The following USP6NL variants were observed in gnomAD, a reference collection of about 807,000 sequenced individuals.
The protein encoded by USP6NL is USP6 N-terminal like, also known as USP6 N-terminal-like protein.
A neutral mutation model predicts 61.9 loss-of-function variants in USP6NL; 26 were observed. The ratio of observed to expected loss-of-function variants is 0.42; its 90% CI spans 0.31 to 0.58. USP6NL has a LOEUF of 0.58. USP6NL is among the 20% of genes least tolerant of loss of function. The pLI is 0.16. For missense variants in USP6NL, 1,114 were observed against 1,034.3 expected (o/e 1.08, Z -1.06); for synonymous variants, 432 against 390.1 (o/e 1.11, Z -1.27).
At chr10:11,547,359 G>A (rs1046415384) in intron 2 of USP6NL, among the ~76,000 whole-genome samples, 41 of 152,108 alleles carry the variant, frequency 2.7e-4, no homozygotes, top group African/African-American at 8.9e-4. Context: ...AAAGGGAGGC[G>A]CTCTGAAGTT....
In USP6NL at chr10:11,611,547, C is replaced by A; in HGVS notation, c.-188G>T. On this transcript the variant is annotated 5_prime_UTR_variant, in exon 1 of 15. Coordinates refer to ENST00000609104, the MANE Select transcript of USP6NL (RefSeq NM_014688.5). This position sits in a 1 kb window ranked among gnomAD's most constrained non-coding sequence, Gnocchi z 5.3. ...CGCGGCGCGGCGGCGGCGGCGGCTA[C>A]CGCAGTGCCCTCCGCCCCATTGTTT... is the stretch of plus-strand genomic sequence containing the variant. 6.3e-6 allele frequency: 1 copy of A among 159,096 alleles called. No individual in the cohort carries two copies. The highest frequency in any genetic ancestry group is 1.4e-5 in the Non-Finnish European group (1 of 72,926). The allele number at this position is 159,096 out of a possible 1,614,324, so 9.9% of individuals were successfully genotyped here. A position where few individuals can be genotyped will look rare whatever the true frequency, so the allele number is the denominator to read the frequency against.
chr10:11,470,708 G>C lies in USP6NL; in HGVS notation c.1079-6859C>G, dbSNP rs1368180828. 6.6e-6 allele frequency among the ~76,000 whole-genome samples: 1 copy of C among 152,122 alleles called. No individual in the cohort carries two copies. Among genetic ancestry groups the C allele is most frequent in the Non-Finnish European group, 1.5e-5 (1 of 68,026 alleles). On this transcript the variant is annotated intron_variant, in intron 14 of 14. Coordinates refer to ENST00000609104, the MANE Select transcript of USP6NL (RefSeq NM_014688.5). The surrounding 1 kb of genome is among the most constrained non-coding windows in gnomAD (Gnocchi z 5.4). ...TCCTTTCACCCCTAAGCAACTAACT[G>C]TAACTAAAACATTCACACATAATTG...
Position 11,462,564 on chromosome 10 carries a change from A to G in USP6NL, c.2364T>C (p.Tyr788=), listed in dbSNP as rs535650221. 1.4e-5 allele frequency: 22 copies of G among 1,613,956 alleles called. No homozygotes were observed. The highest frequency in any genetic ancestry group is 1.7e-4 in the Middle Eastern group (1 of 6,060). The change falls in exon 15 of 15, where the codon TAT becomes TAC. Residue 788 remains tyrosine (Y), a synonymous_variant. Coordinates refer to ENST00000609104, the MANE Select transcript of USP6NL (RefSeq NM_014688.5). Reference sequence around the variant, plus strand: ...CATCTTCTGCGGCCGGTGAAGCTTTATATCTCACGGGACTATCTACAGAAA... The same window carrying G: ...CATCTTCTGCGGCCGGTGAAGCTTTGTATCTCACGGGACTATCTACAGAAA... The part of the protein sequence containing the change: ...PAVSVDSPVR[Y]KASPAAEDAS...
intron 7 of USP6NL, among the ~76,000 whole-genome samples, chr10:11,498,380 C>T (rs1450808078): frequency 6.7e-6 from 1 of 148,724 alleles, no homozygotes; most frequent in Non-Finnish European, 1.5e-5. Context: ...CTGCTAAATG[C>T]AAGAGAGAAA....
intron 4 of USP6NL, among the ~76,000 whole-genome samples, chr10:11,522,005 T>G (rs148481497): frequency 6.6e-6 from 1 of 152,238 alleles, no homozygotes; most frequent in Non-Finnish European, 1.5e-5. Flanking sequence ...TGTTTCTCTA[T>G]TCTCCAGCTT....
chr10:11,472,443 G>C (rs1467524931), intron 14 of USP6NL, among the ~76,000 whole-genome samples: 1 of 152,208 alleles, frequency 6.6e-6, no homozygotes, highest in Non-Finnish European at 1.5e-5. Context: ...AGCGCTCTAA[G>C]TGCTCGCTCT....
In USP6NL at chr10:11,463,021, G is replaced by T. The variant is rs774620165; in HGVS notation, c.1907C>A (p.Pro636His). The T allele has an allele frequency of 6.2e-7, 1 of 1,613,910 alleles. No individual in the cohort carries two copies. The highest frequency in any genetic ancestry group is 8.5e-7 in the Non-Finnish European group (1 of 1,179,858). Residue 636 changes from proline to histidine, a missense_variant, in exon 15 of 15, where the codon CCC becomes CAC. Coordinates refer to ENST00000609104, the MANE Select transcript of USP6NL (RefSeq NM_014688.5). This position sits in a 1 kb window ranked among gnomAD's most constrained non-coding sequence, Gnocchi z 6.3. ...LAHPPSYSNP[P>H]VYHGNSPKHF... ...TTTGGGAGAGTTTCCGTGGTAAACG[G>T]GGGGATTGCTGTAGGAGGGGGGATG...
chr10:11,533,198 A>T (rs1192400057), intron 2 of USP6NL, among the ~76,000 whole-genome samples: 1 of 152,244 alleles, frequency 6.6e-6, no homozygotes, highest in Non-Finnish European at 1.5e-5. Context: ...AAGGAATAAG[A>T]ATTAGACTGG....
Position 11,489,709 on chromosome 10 carries a change from G to A in USP6NL, c.544-487C>T, listed in dbSNP as rs1833630096. Among the ~76,000 whole-genome samples, 2 of 152,180 alleles carry A rather than the reference G, an allele frequency of 1.3e-5. No individual in the cohort carries two copies. The highest frequency in any genetic ancestry group is 4.8e-5 in the African/African-American group (2 of 41,442). On this transcript the variant is annotated intron_variant, in intron 9 of 14. Coordinates refer to ENST00000609104, the MANE Select transcript of USP6NL (RefSeq NM_014688.5). This position sits in a 1 kb window ranked among gnomAD's most constrained non-coding sequence, Gnocchi z 5.7. Reference sequence around the variant, plus strand: ...TCTCCCCATAGTCCCTGCTTATGATGTGGCCTTAAGGATTCATGCTTGTGC... The same window carrying A: ...TCTCCCCATAGTCCCTGCTTATGATATGGCCTTAAGGATTCATGCTTGTGC...
chr10:11,534,571 A>G (rs530863367), intron 2 of USP6NL, among the ~76,000 whole-genome samples: 2 of 152,334 alleles, frequency 1.3e-5, no homozygotes, highest in African/African-American at 2.4e-5. Flanking sequence ...GCTTACATAT[A>G]AAGACATCAA....
rs1400158605 is a variant in USP6NL, at chr10:11,540,629, G to T, written c.5-13062C>A. ...AATTACAGCAAATTCTTGCAGACCA[G>T]ATATAAGAAGATAATTCATAGACTG... On this transcript the variant is annotated intron_variant, in intron 2 of 14. Transcript: ENST00000609104. This position sits in a 1 kb window ranked among gnomAD's most constrained non-coding sequence, Gnocchi z 5.0. Among the ~76,000 whole-genome samples the T allele has an allele frequency of 6.6e-6, 1 of 152,146 alleles. No individual in the cohort carries two copies. Among genetic ancestry groups the T allele is most frequent in the Non-Finnish European group, 1.5e-5 (1 of 68,006 alleles).
chr10:11,483,616 G>A (rs1330558538), intron 13 of USP6NL, among the ~76,000 whole-genome samples: 2 of 24,926 alleles, frequency 8.0e-5, no homozygotes, highest in Admixed American at 6.6e-4. Flanking sequence ...AGGGGGAGAG[G>A]GGGGGAGAAG....
chr10:11,466,899 C>T lies in USP6NL; in HGVS notation c.1079-3050G>A, dbSNP rs146312482. On this transcript the variant is annotated intron_variant, in intron 14 of 14. Transcript: ENST00000609104. ...TGGGACAGTGAAAATACGCTATTTT[C>T]GGCTCACAGGGCCAGCATTCTATAT... is the stretch of plus-strand genomic sequence containing the variant. Among the ~76,000 whole-genome samples the T allele has an allele frequency of 8.5e-5, 13 of 152,282 alleles. No individual in the cohort carries two copies. In the East Asian group the frequency reaches 2.1e-3, roughly 25 times the overall value.
intron 1 of USP6NL, among the ~76,000 whole-genome samples, chr10:11,605,856 A>T (rs886947845): frequency 6.6e-6 from 1 of 152,216 alleles, no homozygotes; most frequent in African/African-American, 2.4e-5. Context: ...CAACACCACA[A>T]GAGGCAAAAT....
At chr10:11,521,675 C>T (rs889120032) in intron 4 of USP6NL, among the ~76,000 whole-genome samples, 3 of 152,124 alleles carry the variant, frequency 2.0e-5, no homozygotes, top group South Asian at 2.1e-4. Flanking sequence ...CCACCGCGCC[C>T]GGCCAATGAT....
At chr10:11,608,829 G>T (rs2133697398) in intron 1 of USP6NL, among the ~76,000 whole-genome samples, 1 of 152,344 alleles carries the variant, frequency 6.6e-6, no homozygotes, top group South Asian at 2.1e-4. Context: ...TTTGCATGAG[G>T]TGATACGACC....
chr10:11,520,415 C>T lies in USP6NL; in HGVS notation c.156-1841G>A, dbSNP rs1158677518. On this transcript the variant is annotated intron_variant, in intron 4 of 14. Transcript: ENST00000609104. The surrounding 1 kb of genome is among the most constrained non-coding windows in gnomAD (Gnocchi z 5.2). The stretch of plus-strand genomic sequence containing the variant: ...GCTTTTCCCCCTCAAGTCTCTGTGC[C>T]GGCATATGCTTAAATTTCACACCCT... Among the ~76,000 whole-genome samples, 1 of 152,158 alleles carries T rather than the reference C, an allele frequency of 6.6e-6. No homozygotes were observed. The highest frequency in any genetic ancestry group is 1.5e-5 in the Non-Finnish European group (1 of 68,020).
rs1838022041 is a variant in USP6NL at position 11,587,688 on chromosome 10, T to C, written c.4+9943A>G. Among the ~76,000 whole-genome samples, 1 of 152,204 alleles carries C rather than the reference T, an allele frequency of 6.6e-6. No individual in the cohort carries two copies. The highest frequency in any genetic ancestry group is 2.1e-4 in the South Asian group (1 of 4,828). ...TTCGATTCAATACTGCTATACTTTA[T>C]ACCTTCATAGCATTTGTTCAGTAGC... On this transcript the variant is annotated intron_variant, in intron 2 of 14. Coordinates refer to ENST00000609104, the MANE Select transcript of USP6NL (RefSeq NM_014688.5). This position sits in a 1 kb window ranked among gnomAD's most constrained non-coding sequence, Gnocchi z 4.5.
At chr10:11,594,212 C>T (rs1838247634) in intron 2 of USP6NL, among the ~76,000 whole-genome samples, 1 of 152,106 alleles carries the variant, frequency 6.6e-6, no homozygotes, top group Non-Finnish European at 1.5e-5. Flanking sequence ...TACTCCCTAA[C>T]CTTTGGTACA....
Sources: allele counts gnomAD v4.1 joint callset (sites outside exome capture counted in the v4.1 genomes callset), GRCh38; gene constraint gnomAD v4.1.1; non-coding constraint Gnocchi (gnomAD v3.1); transcripts MANE v1.5; gene names NCBI Gene and HGNC (gene_info 2026-07-23, HGNC 2026-07-21).